ELMOD1: variants seen among roughly 807,000 people sequenced by gnomAD.
ELMOD1 encodes ELMO domain-containing protein 1.
Under a neutral mutation model 46.7 loss-of-function variants are expected in ELMOD1, and 21 were observed. That is an observed-to-expected ratio of 0.45 (90% CI 0.32 to 0.65). ELMOD1 has a LOEUF of 0.65. ELMOD1 is among the 30% of genes least tolerant of loss of function. The probability of loss-of-function intolerance (pLI) is 0.04; values close to 1 mark genes in which losing one functional copy is unlikely to be tolerated. For missense variants in ELMOD1, 348 were observed against 407.8 expected (o/e 0.85, Z 1.26); for synonymous variants, 122 against 138.2 (o/e 0.88, Z 0.82).
intron 11 of ELMOD1, among the ~76,000 whole-genome samples, chr11:107,663,313 C>T (rs1866777116): frequency 6.6e-6 from 1 of 151,982 alleles, no homozygotes; most frequent in East Asian, 1.9e-4. Flanking sequence ...ACAGTCAATT[C>T]TAGTGTGTGA....
chr11:107,638,714 T>C (rs376940274), intron 6 of ELMOD1, among the ~76,000 whole-genome samples: 23 of 152,324 alleles, frequency 1.5e-4, no homozygotes, highest in African/African-American at 5.5e-4. Context: ...TTACAAGTAA[T>C]ATTTGCAGTA....
At chr11:107,628,186 G>A (rs967011705) in intron 2 of ELMOD1, among the ~76,000 whole-genome samples, 10 of 149,676 alleles carry the variant, frequency 6.7e-5, no homozygotes, top group African/African-American at 2.5e-4. Flanking sequence ...TGTTTTGTTT[G>A]AGACAGAGTC....
At chr11:107,651,328 C>T (rs958231977) in intron 9 of ELMOD1, among the ~76,000 whole-genome samples, 1 of 152,160 alleles carries the variant, frequency 6.6e-6, no homozygotes, top group Non-Finnish European at 1.5e-5. Context: ...GTTAGTCACT[C>T]TTCTTAGAAG....
chr11:107,612,590 A>G (rs476712), intron 1 of ELMOD1, among the ~76,000 whole-genome samples: 16,056 of 152,218 alleles, frequency 0.11, 1,906 homozygotes, highest in African/African-American at 0.3. Flanking sequence ...TGGCTATAGC[A>G]GAGGCTTAGT....
intron 1 of ELMOD1, among the ~76,000 whole-genome samples, chr11:107,597,832 A>G (rs1865519089): frequency 6.6e-6 from 1 of 152,220 alleles, no homozygotes; most frequent in Admixed American, 6.5e-5. Context: ...GGTATTCTTT[A>G]ATAATCTAAG....
At chr11:107,601,560 C>T (rs1265893633) in intron 1 of ELMOD1, among the ~76,000 whole-genome samples, 6 of 151,220 alleles carry the variant, frequency 4.0e-5, no homozygotes, top group African/African-American at 1.5e-4. Context: ...GGATTACAGG[C>T]ACGTGCCACC....
intron 2 of ELMOD1, among the ~76,000 whole-genome samples, chr11:107,627,837 A>G (rs7120513): frequency 0.091 from 13,903 of 152,210 alleles, 769 homozygotes; most frequent in African/African-American, 0.14. Flanking sequence ...GAACTGGATT[A>G]TCTCATAGTT....
intron 5 of ELMOD1, among the ~76,000 whole-genome samples, chr11:107,634,666 A>G (rs1866197341): frequency 6.6e-6 from 1 of 152,154 alleles, no homozygotes; most frequent in Non-Finnish European, 1.5e-5. Context: ...ACTAGAAATC[A>G]GGAGGCGGAG....
chr11:107,639,741 T>C (rs887892404), intron 6 of ELMOD1, among the ~76,000 whole-genome samples: 3 of 152,212 alleles, frequency 2.0e-5, no homozygotes, highest in Non-Finnish European at 4.4e-5. Flanking sequence ...CATCTGTTTC[T>C]TGTCTTCTGC....
At chr11:107,632,445 G>A (rs145778422) in intron 5 of ELMOD1, among the ~76,000 whole-genome samples, 196 of 152,292 alleles carry the variant, frequency 1.3e-3, no homozygotes, top group Non-Finnish European at 2.2e-3. Context: ...TACAGGAACT[G>A]TAGCTGAAGG....
chr11:107,625,369 A>T (rs1866023519), intron 2 of ELMOD1: 1 of 967,792 alleles, frequency 1.0e-6, no homozygotes, highest in Non-Finnish European at 1.2e-6. Flanking sequence ...TCTTTCATCA[A>T]CAATAGTGTA....
intron 9 of ELMOD1, among the ~76,000 whole-genome samples, chr11:107,652,740 G>A (rs1027814647): frequency 6.6e-6 from 1 of 152,116 alleles, no homozygotes; most frequent in African/African-American, 2.4e-5. Flanking sequence ...TTTAAAAATA[G>A]GTGGCACGTT....
At position 107,656,011 on chromosome 11, in the gene ELMOD1, T is replaced by C. The variant is rs763066447; in HGVS notation, c.777T>C (p.His259=). ...NLLVSGALKT[H]FYNIAPEAPT... is the part of the protein sequence containing the mutation. ...TGGTCAGCGGAGCTCTAAAAACCCATTTCTACAATATCGCCCCAGAAGCTC... is the reference window on the plus strand; with the variant it reads ...TGGTCAGCGGAGCTCTAAAAACCCACTTCTACAATATCGCCCCAGAAGCTC... The change falls in exon 11 of 12, where the codon CAT becomes CAC. Residue 259 remains histidine, a synonymous_variant. Transcript: ENST00000265840. 1.3e-5 allele frequency: 20 copies of C among 1,573,448 alleles called. No individual in the cohort carries two copies.
intron 2 of ELMOD1, among the ~76,000 whole-genome samples, chr11:107,628,448 A>G (rs1866081625): frequency 6.6e-6 from 1 of 152,130 alleles, no homozygotes; most frequent in Non-Finnish European, 1.5e-5. Flanking sequence ...TACAGGCGTG[A>G]GCCACTGCGT....
intron 1 of ELMOD1, among the ~76,000 whole-genome samples, chr11:107,610,962 A>G (rs1425446427): frequency 1.3e-5 from 2 of 150,914 alleles, no homozygotes; most frequent in Non-Finnish European, 3.0e-5. Flanking sequence ...AAGATGGATT[A>G]AAGATTTAAA....
At chr11:107,617,405 A>G (rs1358157094) in intron 1 of ELMOD1, among the ~76,000 whole-genome samples, 1 of 152,142 alleles carries the variant, frequency 6.6e-6, no homozygotes, top group Non-Finnish European at 1.5e-5. Flanking sequence ...TCTCTTCTAT[A>G]GTCTGTTTTA....
In ELMOD1 at chr11:107,665,255, C is replaced by A; in HGVS notation, c.*58C>A. On this transcript the variant is annotated 3_prime_UTR_variant, in exon 12 of 12. Transcript: ENST00000265840. ...ACACTGCCTCATTGTCTTGTTAGAT[C>A]TCTGCTTAGGTCGCAGCTCACGCAT... 6.4e-7 allele frequency: 1 copy of A among 1,562,120 alleles called. No homozygotes were observed. Among genetic ancestry groups the A allele is most frequent in the East Asian group, 2.2e-5 (1 of 44,470 alleles).
chr11:107,594,881 A>T (rs1049632894), intron 1 of ELMOD1, among the ~76,000 whole-genome samples: 1 of 151,956 alleles, frequency 6.6e-6, no homozygotes, highest in Non-Finnish European at 1.5e-5. Context: ...TGTGAAAATG[A>T]CTCTATGCTT....
chr11:107,593,689 A>ATTAATAATAATT lies in ELMOD1; in HGVS notation c.-86+2280_-86+2281insTTAATAATAATT, dbSNP rs1439226021. ...GGCTGCCCAGTTAAATTTGAATTTC[A>ATTAATAATAATT]GATAAACAGTGAATTATTGTTTTTA... On this transcript the variant is annotated intron_variant, in intron 1 of 11. Coordinates refer to ENST00000265840, the MANE Select transcript of ELMOD1 (RefSeq NM_018712.4). 2.0e-4 allele frequency among the ~76,000 whole-genome samples: 31 copies of ATTAATAATAATT among 152,350 alleles called. No homozygotes were observed. The East Asian group carries it at 4.8e-3, about 24-fold the overall frequency.
Sources: gnomAD v4.1 joint callset for allele counts (sites outside exome capture counted in the v4.1 genomes callset) on GRCh38, gnomAD v4.1.1 for gene constraint, MANE v1.5 for transcripts, NCBI Gene and HGNC (gene_info 2026-07-23, HGNC 2026-07-21) for gene names.